Variants in ADAM9 observed in about 807,000 individuals in gnomAD.
The protein encoded by ADAM9 is disintegrin and metalloproteinase domain-containing protein 9.
Under a neutral mutation model 108.1 loss-of-function variants are expected in ADAM9, and 54 were observed. The ratio of observed to expected loss-of-function variants is 0.50; its 90% confidence interval spans 0.40 to 0.63. The LOEUF is 0.63. Among genes scored for constraint, ADAM9 ranks in the 20% least tolerant of loss-of-function variants. The pLI is 0.00. For missense variants in ADAM9, 830 were observed against 997.7 expected, an observed-to-expected ratio of 0.83 and a Z score of 2.26; for synonymous variants, 316 against 336.0, an observed-to-expected ratio of 0.94 and a Z score of 0.65.
intron 11 of ADAM9, among the ~76,000 whole-genome samples, chr8:39,040,982 A>C (rs1837441266): frequency 6.6e-6 from 1 of 152,240 alleles, no homozygotes; most frequent in Non-Finnish European, 1.5e-5. Flanking sequence ...GTCAGACTTG[A>C]AACTGTAAAA....
intron 20 of ADAM9, among the ~76,000 whole-genome samples, chr8:39,093,843 T>A (rs900128046): frequency 3.3e-5 from 5 of 152,292 alleles, no homozygotes; most frequent in Admixed American, 6.5e-5. Flanking sequence ...GATCTCGGCT[T>A]ACTGCAACCT....
chr8:39,103,632 T>C lies in ADAM9; in HGVS notation c.2392T>C (p.Ser798Pro), dbSNP rs983116055. 1 of 1,614,130 alleles carries C rather than the reference T, an allele frequency of 6.2e-7. No homozygotes were observed. The highest frequency in any genetic ancestry group is 1.1e-5 in the South Asian group (1 of 91,082). ...SRPPPPQPKV[S>P]SQGNLIPARP... Reference sequence around the variant, plus strand: ...GCCACCTCCACCACAACCGAAAGTATCATCTCAGGGAAACTTAATTCCTGC... The same window carrying C: ...GCCACCTCCACCACAACCGAAAGTACCATCTCAGGGAAACTTAATTCCTGC... Residue 798 changes from serine (S) to proline (P), a missense_variant, in exon 22 of 22, where the codon TCA becomes CCA. Ser to Pro is a moderately conservative substitution (Grantham distance 74). Transcript: ENST00000487273.
At chr8:39,032,697 A>G (rs963867313) in intron 11 of ADAM9, among the ~76,000 whole-genome samples, 2 of 152,202 alleles carry the variant, frequency 1.3e-5, no homozygotes, top group African/African-American at 2.4e-5. Context: ...ACCAGTCCCA[A>G]TGAGATGAAC....
At chr8:39,041,547 G>C (rs944387926) in intron 11 of ADAM9, among the ~76,000 whole-genome samples, 3 of 152,146 alleles carry the variant, frequency 2.0e-5, no homozygotes, top group Non-Finnish European at 4.4e-5. Context: ...ATCCTTCAGA[G>C]TAGAAAAAAG....
intron 1 of ADAM9, among the ~76,000 whole-genome samples, chr8:39,001,589 A>T (rs1835992676): frequency 6.6e-6 from 1 of 152,214 alleles, no homozygotes; most frequent in Admixed American, 6.5e-5. Flanking sequence ...AGATGGGTAA[A>T]TATTTAAGAA....
intron 8 of ADAM9, among the ~76,000 whole-genome samples, chr8:39,022,087 TGTGTGTGTGTGA>T (rs1836761821): frequency 2.6e-5 from 4 of 151,086 alleles, no homozygotes; most frequent in African/African-American, 9.8e-5. Flanking sequence ...TGTGTGTGTG[TGTGTGTGTGTGA>T]GAGAGAGAGA....
At position 38,997,011 on chromosome 8, in the gene ADAM9, A is replaced by G. The variant is rs762937492; in HGVS notation, c.-53A>G. On this transcript the variant is annotated 5_prime_UTR_variant, in exon 1 of 22. Transcript: ENST00000487273. ...CGGCAGGGTTGGAAAATGATGGAAG[A>G]GGCGGAGGTGGAGGCGACCGAGTGC... is the stretch of plus-strand genomic sequence containing the variant. 1.0e-4 allele frequency: 160 copies of G among 1,584,870 alleles called. No individual in the cohort carries two copies. Among genetic ancestry groups the G allele is most frequent in the Non-Finnish European group, 1.3e-4 (151 of 1,170,760 alleles).
Position 39,045,538 on chromosome 8 carries a change from GTA to G in ADAM9, c.1302+3427_1302+3428del, listed in dbSNP as rs756655532. Among the ~76,000 whole-genome samples the G allele has an allele frequency of 3.5e-3, 456 of 131,358 alleles. 2 individuals carry two copies. Among genetic ancestry groups the G allele is most frequent in the African/African-American group, 6.1e-3 (210 of 34,354 alleles). The allele number at this position is 131,358 out of a possible 152,430, so 86.2% of individuals were successfully genotyped here. The stretch of plus-strand genomic sequence containing the variant: ...CATACATATATATGTGCATATGTGT[GTA>G]TATATGTGTGTGTGTATATGTGTGT... On this transcript the variant is annotated intron_variant, in intron 12 of 21. Coordinates refer to ENST00000487273, the MANE Select transcript of ADAM9 (RefSeq NM_003816.3).
At chr8:39,087,894 G>A (rs1156256878) in intron 18 of ADAM9, among the ~76,000 whole-genome samples, 1 of 152,154 alleles carries the variant, frequency 6.6e-6, no homozygotes, top group African/African-American at 2.4e-5. Flanking sequence ...CGAATAGTCT[G>A]CTGTTGACTG....
chr8:39,101,034 A>G (rs1474030505), intron 20 of ADAM9, among the ~76,000 whole-genome samples: 3 of 152,348 alleles, frequency 2.0e-5, no homozygotes, highest in African/African-American at 7.2e-5. Flanking sequence ...TAGATACTGT[A>G]TAGGTTTGGC....
At chr8:39,076,944 T>A (rs1276199375) in intron 15 of ADAM9, among the ~76,000 whole-genome samples, 1 of 152,218 alleles carries the variant, frequency 6.6e-6, no homozygotes, top group Non-Finnish European at 1.5e-5. Context: ...TTAGTTAGGC[T>A]GTTGAGCTCT....
intron 14 of ADAM9, among the ~76,000 whole-genome samples, chr8:39,070,528 T>G (rs1379249382): frequency 6.6e-6 from 1 of 152,184 alleles, no homozygotes; most frequent in African/African-American, 2.4e-5. Flanking sequence ...CCACAAAACA[T>G]ATTTTTATTA....
intron 11 of ADAM9, among the ~76,000 whole-genome samples, chr8:39,032,178 G>A (rs912418932): frequency 1.3e-5 from 2 of 152,228 alleles, no homozygotes; most frequent in Non-Finnish European, 2.9e-5. Flanking sequence ...CAAACACTGT[G>A]CTAGGAGAAC....
At chr8:38,997,193 G>C (rs1192431186) in intron 1 of ADAM9, 33 bp downstream of exon 1, 2 of 1,583,108 alleles carry the variant, frequency 1.3e-6, no homozygotes, top group African/African-American at 2.7e-5. Flanking sequence ...GGTTGGGACG[G>C]CTGCTTCCTA....
rs1435994798 is a variant in ADAM9 at position 39,013,971 on chromosome 8, T to C, written c.261T>C (p.Leu87=). The stretch of plus-strand genomic sequence containing the variant: ...TGTTTTATTTCTCTTCCAGAGACCT[T>C]TTGCCTGAAGATTTTGTGGTTTATA... ...HIIHLERNKD[L]LPEDFVVYTY... The change falls in exon 4 of 22, where the codon CTT becomes CTC. Residue 87 remains leucine, a synonymous_variant. Coordinates refer to ENST00000487273, the MANE Select transcript of ADAM9 (RefSeq NM_003816.3). 6.2e-7 allele frequency: 1 copy of C among 1,613,128 alleles called. No homozygotes were observed.
Position 39,008,645 on chromosome 8 carries a change from A to G in ADAM9, c.195+662A>G, listed in dbSNP as rs547016969. On this transcript the variant is annotated intron_variant, in intron 2 of 21. Coordinates refer to ENST00000487273, the MANE Select transcript of ADAM9 (RefSeq NM_003816.3). The stretch of plus-strand genomic sequence containing the variant: ...GAATTATAATTCTTACTATAATTAT[A>G]TAACCTCACTCAGTTTGTGATAGCT... Among the ~76,000 whole-genome samples, 4 of 152,316 alleles carry G rather than the reference A, an allele frequency of 2.6e-5. No individual in the cohort carries two copies. The South Asian group carries it at 6.2e-4, about 24-fold the overall frequency.
At chr8:39,090,719 A>G (rs1191328989) in intron 19 of ADAM9, among the ~76,000 whole-genome samples, 3 of 152,190 alleles carry the variant, frequency 2.0e-5, no homozygotes, top group East Asian at 1.9e-4. Flanking sequence ...GACTAAGTAG[A>G]TACTTCGTAT....
chr8:39,026,647 A>G (rs1836931928), intron 10 of ADAM9, 30 bp from the exon 11 acceptor site: 3 of 1,613,954 alleles, frequency 1.9e-6, no homozygotes, highest in Non-Finnish European at 1.7e-6. Context: ...GCGTTCAGAA[A>G]CCTAATTACT....
chr8:39,045,357 CATATA>C (rs1300640065), intron 12 of ADAM9, among the ~76,000 whole-genome samples: 1 of 75,312 alleles, frequency 1.3e-5, no homozygotes, highest in South Asian at 3.8e-4. Context: ...TGTGTACATA[CATATA>C]GGTGTGTGTA....
Sources: allele counts gnomAD v4.1 joint callset (sites outside exome capture counted in the v4.1 genomes callset), GRCh38; gene constraint gnomAD v4.1.1; transcripts MANE v1.5; gene names NCBI Gene and HGNC (gene_info 2026-07-23, HGNC 2026-07-21).